The following KAT7 variants were observed in gnomAD, a reference collection of about 807,000 sequenced individuals.
The protein encoded by KAT7 is histone acetyltransferase KAT7.
KAT7 carries 10 observed loss-of-function variants against 82.1 expected under a neutral mutation model. The ratio of observed to expected loss-of-function variants is 0.12; its 90% confidence interval spans 0.08 to 0.21. The LOEUF is 0.21. Ranked by LOEUF, KAT7 falls within the 10% of genes least tolerant of loss-of-function variation. The pLI, the probability that KAT7 is intolerant of heterozygous loss-of-function variation, is 1.00. For missense variants in KAT7, 378 were observed against 760.9 expected, an observed-to-expected ratio of 0.50 and a Z score of 5.92; for synonymous variants, 250 against 262.5, an observed-to-expected ratio of 0.95 and a Z score of 0.46.
At chr17:49,827,173 A>G (rs1474724767) in intron 14 of KAT7, 2 of 535,098 alleles carry the variant, frequency 3.7e-6, no homozygotes, top group African/African-American at 3.8e-5. Flanking sequence ...TTTCATATAT[A>G]CAATAAAGGT....
intron 1 of KAT7, among the ~76,000 whole-genome samples, chr17:49,791,649 T>C (rs891528330): frequency 1.3e-5 from 2 of 152,114 alleles, no homozygotes; most frequent in Non-Finnish European, 2.9e-5. Flanking sequence ...TGAGAGCGAA[T>C]GAAACGGAAG....
In KAT7 at chr17:49,792,022, A is replaced by G. The variant is rs1273484785; in HGVS notation, c.152A>G (p.Gln51Arg). 2 of 1,613,692 alleles carry G rather than the reference A, an allele frequency of 1.2e-6. No homozygotes were observed. The highest frequency in any genetic ancestry group is 1.3e-5 in the African/African-American group (1 of 74,936). The stretch of plus-strand genomic sequence containing the variant: ...ACCCGCTCCTCAGCCAGGCTAAGCC[A>G]GAGTTCTCAAGGTAAAAAAACCTTC... Reference protein sequence around the residue: ...RVTRSSARLSQSSQDSSPVRN... With the variant: ...RVTRSSARLSRSSQDSSPVRN... The change falls in exon 2 of 15, where the codon CAG becomes CGG. Residue 51 changes from glutamine to arginine, a missense_variant. Physicochemically the swap from Gln to Arg is conservative, Grantham distance 43. Around this residue, in one of 6 missense-constraint regions of KAT7, gnomAD observed 161 missense variants for 229.6 expected, o/e 0.70. Coordinates refer to ENST00000259021, the MANE Select transcript of KAT7 (RefSeq NM_007067.5).
At chr17:49,800,403 G>A (rs2074010263) in intron 4 of KAT7, among the ~76,000 whole-genome samples, 2 of 152,116 alleles carry the variant, frequency 1.3e-5, no homozygotes, top group African/African-American at 2.4e-5. Context: ...GTTGTCACTC[G>A]AAGATAATTG....
chr17:49,827,125 C>G (rs2074377462), intron 14 of KAT7: 1 of 463,476 alleles, frequency 2.2e-6, no homozygotes, highest in Non-Finnish European at 3.8e-6. Context: ...TTCACAAATG[C>G]TGTCTCAACT....
chr17:49,799,821 G>C (rs2074000778), intron 4 of KAT7, among the ~76,000 whole-genome samples: 1 of 150,670 alleles, frequency 6.6e-6, no homozygotes, highest in Non-Finnish European at 1.5e-5. Flanking sequence ...TGGCTTTCAA[G>C]CTTGGCTTTT....
intron 5 of KAT7, among the ~76,000 whole-genome samples, chr17:49,807,914 A>G (rs1246399985): frequency 6.6e-6 from 1 of 152,054 alleles, no homozygotes; most frequent in Non-Finnish European, 1.5e-5. Context: ...AATACTGGGA[A>G]GATTTGGGGT....
chr17:49,795,591 A>C (rs1812191091), intron 2 of KAT7: 4 of 240,216 alleles, frequency 1.7e-5, no homozygotes. Context: ...TGGCTTATTC[A>C]AACCTACCGA....
At position 49,805,412 on chromosome 17, in the gene KAT7, ACTGTATCATAACCT is replaced by A; in HGVS notation, c.633_646del (p.Tyr212SerfsTer2). On this transcript the variant is annotated frameshift_variant, in exon 5 of 15. Transcript: ENST00000259021. LOFTEE classifies it high-confidence loss of function. ...GACATTTCTCCATCTCAGGATGCCC[ACTGTATCATAACCT>A]CTCAGCTGACGAATGCAAGGTAATT... The A allele has an allele frequency of 6.2e-7, 1 of 1,613,280 alleles. No individual in the cohort carries two copies.
intron 6 of KAT7, among the ~76,000 whole-genome samples, chr17:49,811,139 C>T (rs1227934746): frequency 3.4e-5 from 5 of 149,204 alleles, no homozygotes; most frequent in African/African-American, 9.9e-5. Context: ...GCCAGAGTCT[C>T]GCTCTGTCTC....
At chr17:49,826,358 T>G (rs1199550537) in intron 13 of KAT7, 1 of 528,430 alleles carries the variant, frequency 1.9e-6, no homozygotes, top group African/African-American at 1.9e-5. Flanking sequence ...ACACTTTAAT[T>G]CTTATAAAAG....
At chr17:49,827,050 T>C in intron 14 of KAT7, 1 of 458,242 alleles carries the variant, frequency 2.2e-6, no homozygotes, top group Non-Finnish European at 3.9e-6. Context: ...CTTTATGTTG[T>C]ACAGCATTTC....
At position 49,829,618 on chromosome 17, in the gene KAT7, C is replaced by T. The variant is rs1422127879; in HGVS notation, c.*2116C>T. ...TATACCCAGCACAGGAAAAGGGTGGCTGAGCACTAACCTCCGTATGGTGGA... is the reference window on the plus strand; with the variant it reads ...TATACCCAGCACAGGAAAAGGGTGGTTGAGCACTAACCTCCGTATGGTGGA... On this transcript the variant is annotated 3_prime_UTR_variant, in exon 15 of 15. Coordinates refer to ENST00000259021, the MANE Select transcript of KAT7 (RefSeq NM_007067.5). 6.6e-6 allele frequency: 1 copy of T among 152,144 alleles called. No individual in the cohort carries two copies. Among genetic ancestry groups the T allele is most frequent in the East Asian group, 1.9e-4 (1 of 5,198 alleles). The allele number at this position is 152,144 out of a possible 1,614,324, so 9.4% of individuals were successfully genotyped here.
intron 1 of KAT7, 197 bp downstream of exon 1, chr17:49,789,046 TC>T: frequency 2.3e-6 from 1 of 435,232 alleles, no homozygotes. Flanking sequence ...TTGCAACTAT[TC>T]CCGCCCTCTG....
intron 8 of KAT7, among the ~76,000 whole-genome samples, chr17:49,817,559 G>A (rs1175989056): frequency 6.6e-6 from 1 of 152,122 alleles, no homozygotes; most frequent in Non-Finnish European, 1.5e-5. Context: ...CGCAGCCTCT[G>A]CCTCTTGGGC....
chr17:49,803,501 C>T (rs1057015092), intron 4 of KAT7, among the ~76,000 whole-genome samples: 51 of 152,012 alleles, frequency 3.4e-4, no homozygotes, highest in Admixed American at 2.8e-3. Flanking sequence ...CTCGGCTCAC[C>T]GCAAGCTCCG....
intron 9 of KAT7, among the ~76,000 whole-genome samples, chr17:49,819,481 C>T (rs1467869686): frequency 6.6e-6 from 1 of 152,156 alleles, no homozygotes; most frequent in Admixed American, 6.5e-5. Flanking sequence ...GAACTGCTTA[C>T]CATTTATGCC....
intron 12 of KAT7, 29 bp downstream of exon 12, chr17:49,823,324 C>A: frequency 8.5e-7 from 1 of 1,171,672 alleles, no homozygotes; most frequent in Non-Finnish European, 1.3e-6. Context: ...TCATTAGTTC[C>A]ACAAGGCAGG....
chr17:49,824,090 T>A (rs1328514085), intron 12 of KAT7, among the ~76,000 whole-genome samples: 1 of 152,224 alleles, frequency 6.6e-6, no homozygotes, highest in Non-Finnish European at 1.5e-5. Flanking sequence ...AAGGCATTTT[T>A]AAACAGAAAC....
intron 1 of KAT7, among the ~76,000 whole-genome samples, chr17:49,790,412 GT>G (rs915898314): frequency 2.6e-5 from 4 of 152,122 alleles, no homozygotes; most frequent in Non-Finnish European, 5.9e-5. Flanking sequence ...GGTCAGGGTG[GT>G]TTCGAACTCC....
Sources: gnomAD v4.1 joint callset for allele counts (sites outside exome capture counted in the v4.1 genomes callset) on GRCh38, gnomAD v4.1.1 for gene constraint, gnomAD v4.1.1 regional missense constraint, MANE v1.5 for transcripts, NCBI Gene and HGNC (gene_info 2026-07-23, HGNC 2026-07-21) for gene names.